The following QTMAN variants were observed in gnomAD, a reference collection of about 807,000 sequenced individuals.
The protein encoded by QTMAN is tRNA-queuosine alpha-mannosyltransferase.
At chr2:144,113,244 A>G in the QTMAN span, among the ~76,000 whole-genome samples, 1 of 152,114 alleles carries the variant, frequency 6.6e-6, no homozygotes, top group African/African-American at 2.4e-5. Context: ...AGAAAAAAAG[A>G]GGGAAAAAAA....
chr2:144,306,931 G>T, the QTMAN span, among the ~76,000 whole-genome samples: 24 of 152,146 alleles, frequency 1.6e-4, no homozygotes, highest in African/African-American at 5.5e-4. Flanking sequence ...GGAGGCTGAG[G>T]CGGGTGGATC....
chr2:144,195,359 CTAATTAGGACCTGCATTTT>C, the QTMAN span, among the ~76,000 whole-genome samples: 1 of 152,154 alleles, frequency 6.6e-6, no homozygotes, highest in East Asian at 1.9e-4. Flanking sequence ...ATTTAGACAT[CTAATTAGGACCTGCATTTT>C]TAATACTCAT....
At chr2:143,947,606 T>C in the QTMAN span, among the ~76,000 whole-genome samples, 1 of 152,198 alleles carries the variant, frequency 6.6e-6, no homozygotes, top group East Asian at 1.9e-4. Flanking sequence ...CAGGTTTATA[T>C]TCATTATTTC....
chr2:144,124,546 G>A, the QTMAN span, among the ~76,000 whole-genome samples: 3 of 152,086 alleles, frequency 2.0e-5, no homozygotes, highest in Non-Finnish European at 4.4e-5. Context: ...TAGAGGGTCA[G>A]TCTGAATGGG....
chr2:144,182,886 T>TA, the QTMAN span, among the ~76,000 whole-genome samples: 1 of 77,120 alleles, frequency 1.3e-5, no homozygotes, highest in African/African-American at 5.9e-5. Flanking sequence ...TATATATATT[T>TA]TATATATATA....
chr2:144,262,912 AGGAGAGG>A, the QTMAN span, among the ~76,000 whole-genome samples: 12 of 75,972 alleles, frequency 1.6e-4, no homozygotes, highest in East Asian at 1.6e-3. Flanking sequence ...GTGAGATGGG[AGGAGAGG>A]GGAGAGGGGA....
the QTMAN span, among the ~76,000 whole-genome samples, chr2:144,113,141 T>C: frequency 1.3e-5 from 2 of 152,016 alleles, no homozygotes; most frequent in African/African-American, 4.8e-5. Context: ...CAACTAAGAT[T>C]ACCTAGATGA....
the QTMAN span, among the ~76,000 whole-genome samples, chr2:144,233,169 G>A: frequency 6.6e-6 from 1 of 152,146 alleles, no homozygotes; most frequent in South Asian, 2.1e-4. Flanking sequence ...TATAATAAAG[G>A]CAAATATCAC....
chr2:144,325,847 C>A, the QTMAN span, among the ~76,000 whole-genome samples: 1 of 152,168 alleles, frequency 6.6e-6, no homozygotes, highest in Non-Finnish European at 1.5e-5. Context: ...CAGTTGCAGT[C>A]ATTGCATTTT....
At chr2:144,113,910 T>A in the QTMAN span, among the ~76,000 whole-genome samples, 4 of 152,358 alleles carry the variant, frequency 2.6e-5, no homozygotes, top group African/African-American at 7.2e-5. Flanking sequence ...CACCTATGTT[T>A]TAAATTGAAA....
chr2:144,172,492 C>T, the QTMAN span, among the ~76,000 whole-genome samples: 3 of 151,800 alleles, frequency 2.0e-5, no homozygotes, highest in African/African-American at 7.3e-5. Context: ...GGCATAGTGG[C>T]ACACACCTAT....
chr2:144,212,081 A>G, the QTMAN span, among the ~76,000 whole-genome samples: 1 of 152,198 alleles, frequency 6.6e-6, no homozygotes, highest in Non-Finnish European at 1.5e-5. Context: ...AATGTCTCCT[A>G]TTGGTGCCTG....
the QTMAN span, among the ~76,000 whole-genome samples, chr2:143,971,646 T>C: frequency 1.3e-5 from 2 of 152,162 alleles, no homozygotes; most frequent in Non-Finnish European, 2.9e-5. Flanking sequence ...TGTTTTAAAT[T>C]ATCTTATTTC....
chr2:143,950,734 C>T, the QTMAN span, among the ~76,000 whole-genome samples: 2 of 151,620 alleles, frequency 1.3e-5, no homozygotes, highest in South Asian at 4.2e-4. Flanking sequence ...ATTGATATTT[C>T]ATACAAACAA....
chr2:144,065,950 C>G, the QTMAN span, among the ~76,000 whole-genome samples: 1 of 151,988 alleles, frequency 6.6e-6, no homozygotes, highest in Non-Finnish European at 1.5e-5. Flanking sequence ...AGGCGGTGGC[C>G]ATGAGAGCAG....
the QTMAN span, among the ~76,000 whole-genome samples, chr2:144,201,632 T>C: frequency 4.6e-5 from 7 of 152,210 alleles, no homozygotes; most frequent in Admixed American, 4.6e-4. Context: ...TATGTCCATG[T>C]TTGTCAAGTT....
chr2:144,325,910 A>G, the QTMAN span, among the ~76,000 whole-genome samples: 3 of 152,242 alleles, frequency 2.0e-5, no homozygotes, highest in Non-Finnish European at 2.9e-5. Context: ...TGGGTGTTCA[A>G]TACATGACTA....
chr2:144,104,419 C>T, the QTMAN span, among the ~76,000 whole-genome samples: 1 of 152,194 alleles, frequency 6.6e-6, no homozygotes, highest in Non-Finnish European at 1.5e-5. Flanking sequence ...TAACGCTGCA[C>T]TTTTCCAAAG....
chr2:144,077,870 AG>A, the QTMAN span, among the ~76,000 whole-genome samples: 2 of 152,226 alleles, frequency 1.3e-5, no homozygotes, highest in African/African-American at 2.4e-5. Context: ...ATGGGAAAAA[AG>A]TTTTCTTTGA....
Sources: allele counts gnomAD v4.1 joint callset (sites outside exome capture counted in the v4.1 genomes callset), GRCh38; gene constraint gnomAD v4.1.1; transcripts MANE v1.5; gene names NCBI Gene and HGNC (gene_info 2026-07-23, HGNC 2026-07-21).